The following CRACD variants were observed in gnomAD, a reference collection of about 807,000 sequenced individuals.
The protein encoded by CRACD is capping protein-inhibiting regulator of actin dynamics.
In CRACD, 56 loss-of-function variants were observed where a neutral mutation model predicts 106.8. The ratio of observed to expected loss-of-function variants is 0.52; its 90% CI spans 0.42 to 0.66. The LOEUF is 0.66. Ranked by LOEUF, CRACD falls within the 30% of genes least tolerant of loss-of-function variation. The pLI, the probability that CRACD is intolerant of heterozygous loss-of-function variation, is 0.00. For synonymous variants in CRACD, 754 were observed against 670.8 expected (o/e 1.12, Z -1.92); for missense variants, 1,730 against 1,623.2 (o/e 1.07, Z -1.13).
At chr4:56,136,941 A>G (rs530165448) in intron 1 of CRACD, among the ~76,000 whole-genome samples, 2 of 152,320 alleles carry the variant, frequency 1.3e-5, no homozygotes, top group South Asian at 4.1e-4. Flanking sequence ...TGTGTGATGT[A>G]TGGATTGAGC....
Position 56,316,277 on chromosome 4 carries a change from C to G in CRACD, c.2775C>G (p.Ser925Arg), listed in dbSNP as rs776614182. 1 of 1,613,902 alleles carries G rather than the reference C, an allele frequency of 6.2e-7. No homozygotes were observed. The highest frequency in any genetic ancestry group is 1.3e-5 in the African/African-American group (1 of 74,956). Residue 925 changes from serine to arginine, a missense_variant, in exon 8 of 11, where the codon AGC becomes AGG. Physicochemically the swap from Ser to Arg is moderately radical, Grantham distance 110. Coordinates refer to ENST00000682029, the MANE Select transcript of CRACD (RefSeq NM_001393381.1). The stretch of plus-strand genomic sequence containing the variant: ...GGAGGGACTCCGCTGAACCTTCCAG[C>G]AGCCGCTCTGTTCCTGTGGCCCACC... The part of the protein sequence containing the change: ...STRRDSAEPS[S>R]SRSVPVAHPG...
At chr4:56,229,464 G>A (rs1739489286) in intron 2 of CRACD, among the ~76,000 whole-genome samples, 1 of 152,138 alleles carries the variant, frequency 6.6e-6, no homozygotes, top group African/African-American at 2.4e-5. Context: ...GGACTTCCCA[G>A]CCTCTAGGAC....
intron 6 of CRACD, chr4:56,311,148 T>G: frequency 5.8e-6 from 1 of 172,222 alleles, no homozygotes; most frequent in Non-Finnish European, 1.2e-5. Flanking sequence ...TTCTCTACTT[T>G]TATGTTGTTT....
chr4:56,098,488 G>A (rs1733667411), intron 1 of CRACD, among the ~76,000 whole-genome samples: 1 of 152,048 alleles, frequency 6.6e-6, no homozygotes, highest in Non-Finnish European at 1.5e-5. Flanking sequence ...CTTTAAAAAA[G>A]CAAATTAATT....
intron 1 of CRACD, among the ~76,000 whole-genome samples, chr4:56,118,324 G>A (rs978640265): frequency 6.6e-6 from 1 of 152,162 alleles, no homozygotes; most frequent in African/African-American, 2.4e-5. Context: ...AGTCACTTAG[G>A]AACACTTACT....
chr4:56,057,799 ATTTTTTTTTTTTTTGTTTTTT>A (rs1732131008), intron 1 of CRACD, among the ~76,000 whole-genome samples: 1 of 43,482 alleles, frequency 2.3e-5, no homozygotes, highest in Admixed American at 2.1e-4. Flanking sequence ...CATTTTTTGT[ATTTTTTTTTTTTTTGTTTTTT>A]TTTTTTTTTT....
At chr4:56,260,479 G>A (rs1200843681) in intron 2 of CRACD, among the ~76,000 whole-genome samples, 1 of 152,208 alleles carries the variant, frequency 6.6e-6, no homozygotes, top group Admixed American at 6.5e-5. Context: ...TTGACAAAGG[G>A]TGGAGTGTGA....
chr4:56,194,026 A>T (rs528364130), intron 2 of CRACD, among the ~76,000 whole-genome samples: 1 of 152,246 alleles, frequency 6.6e-6, no homozygotes, highest in South Asian at 2.1e-4. Context: ...AGGTAGGCAT[A>T]AAATGCTTAG....
chr4:56,102,243 T>C (rs141472361), intron 1 of CRACD, among the ~76,000 whole-genome samples: 107 of 151,656 alleles, frequency 7.1e-4, no homozygotes, highest in African/African-American at 2.4e-3. Context: ...CCAGCAATGA[T>C]TTTTTGCCAA....
rs567520953 is a variant in CRACD, at chr4:56,077,561, C to A, written c.-336+28262C>A. Among the ~76,000 whole-genome samples, 15 of 152,178 alleles carry A rather than the reference C, an allele frequency of 9.9e-5. No homozygotes were observed. The South Asian group carries it at 2.7e-3, about 27-fold the overall frequency. On this transcript the variant is annotated intron_variant, in intron 1 of 10. Coordinates refer to ENST00000682029, the MANE Select transcript of CRACD (RefSeq NM_001393381.1). ...TTCCTAGTAACCTTTTATGGGAGAC[C>A]GTTATGCAAACAAATTTCTTCCTTC...
chr4:56,162,205 T>A lies in CRACD; in HGVS notation c.-335-17079T>A, dbSNP rs934567600. ...TTTATTTTTAAAAATTATTATTATT[T>A]TTTTTTAGAAACAGGGTCTCACTTT... is the stretch of plus-strand genomic sequence containing the variant. On this transcript the variant is annotated intron_variant, in intron 1 of 10. Transcript: ENST00000682029. Among the ~76,000 whole-genome samples the A allele has an allele frequency of 4.6e-5, 7 of 151,912 alleles. No individual in the cohort carries two copies. The East Asian group carries it at 1.2e-3, about 25-fold the overall frequency.
chr4:56,104,114 T>A (rs549751135), intron 1 of CRACD, among the ~76,000 whole-genome samples: 1 of 152,256 alleles, frequency 6.6e-6, no homozygotes, highest in South Asian at 2.1e-4. Context: ...AAAAATAAAT[T>A]GTCTTCGCGC....
intron 1 of CRACD, among the ~76,000 whole-genome samples, chr4:56,077,204 T>C (rs1460419708): frequency 6.6e-6 from 1 of 152,214 alleles, no homozygotes; most frequent in Non-Finnish European, 1.5e-5. Flanking sequence ...CTTACAATCA[T>C]GGCTGGAAGG....
At chr4:56,141,047 G>C (rs555816765) in intron 1 of CRACD, among the ~76,000 whole-genome samples, 1 of 152,222 alleles carries the variant, frequency 6.6e-6, no homozygotes, top group Non-Finnish European at 1.5e-5. Context: ...GTCAGTGAAA[G>C]AGGAGGGCTT....
At chr4:56,214,534 G>T (rs186917039) in intron 2 of CRACD, among the ~76,000 whole-genome samples, 1 of 151,694 alleles carries the variant, frequency 6.6e-6, no homozygotes, top group African/African-American at 2.4e-5. Flanking sequence ...GGAGGTTGCA[G>T]TCAGCTGAGA....
At chr4:56,087,323 A>G (rs1733262952) in intron 1 of CRACD, among the ~76,000 whole-genome samples, 1 of 152,132 alleles carries the variant, frequency 6.6e-6, no homozygotes, top group Non-Finnish European at 1.5e-5. Context: ...CTAAAGGAGT[A>G]CTAGTGATTT....
chr4:56,153,982 C>T (rs1397401447), intron 1 of CRACD, among the ~76,000 whole-genome samples: 1 of 152,176 alleles, frequency 6.6e-6, no homozygotes, highest in Non-Finnish European at 1.5e-5. Context: ...CTTAACTAGG[C>T]ACTTGGTTAT....
At chr4:56,251,219 G>A (rs1741036377) in intron 2 of CRACD, among the ~76,000 whole-genome samples, 1 of 152,164 alleles carries the variant, frequency 6.6e-6, no homozygotes, top group South Asian at 2.1e-4. Context: ...CGCCTGCCTG[G>A]TCAAGTGTGT....
chr4:56,246,987 C>T (rs6554339), intron 2 of CRACD, among the ~76,000 whole-genome samples: 17,356 of 152,170 alleles, frequency 0.11, 1,050 homozygotes, highest in South Asian at 0.14. Flanking sequence ...GAAAAAAGTT[C>T]GAGTACATTC....
Sources: gnomAD v4.1 joint callset for allele counts (sites outside exome capture counted in the v4.1 genomes callset) on GRCh38, gnomAD v4.1.1 for gene constraint, MANE v1.5 for transcripts, NCBI Gene and HGNC (gene_info 2026-07-23, HGNC 2026-07-21) for gene names.